TMEM254: variants seen among roughly 807,000 people sequenced by gnomAD.
TMEM254 encodes the protein transmembrane protein C10orf57.
TMEM254 carries 16 observed loss-of-function variants against 13.9 expected under a neutral mutation model. That is an observed-to-expected ratio of 1.15 (90% CI 0.78 to 1.75). TMEM254 has a LOEUF of 1.75. TMEM254 is among the 40% of genes most tolerant of loss of function. The pLI is 0.00. For missense variants in TMEM254, 155 were observed against 149.0 expected (o/e 1.04, Z -0.21); for synonymous variants, 61 against 56.4 (o/e 1.08, Z -0.36).
intron 3 of TMEM254, among the ~76,000 whole-genome samples, chr10:80,089,098 A>C (rs1844454592): frequency 6.6e-6 from 1 of 152,112 alleles, no homozygotes; most frequent in Admixed American, 6.6e-5. Flanking sequence ...ATTAATTGTA[A>C]CAGTTTATAG....
In TMEM254 at chr10:80,082,244, T is replaced by C. The variant is rs1844076017; in HGVS notation, c.251+40T>C. On this transcript the variant is annotated intron_variant, in intron 3 of 3. Coordinates refer to ENST00000372281, the MANE Select transcript of TMEM254 (RefSeq NM_025125.4). ...TAGGTGTTTGTTGCCTTTCTCTTAG[T>C]AGCTAATATAAATTGAGAGCAGCCA... 1.9e-6 allele frequency: 3 copies of C among 1,606,168 alleles called. No individual in the cohort carries two copies. In the African/African-American group the frequency reaches 4.0e-5, roughly 22 times the overall value.
At chr10:80,080,836 T>C (rs1843969604) in intron 1 of TMEM254, among the ~76,000 whole-genome samples, 1 of 152,060 alleles carries the variant, frequency 6.6e-6, no homozygotes, top group Non-Finnish European at 1.5e-5. Context: ...TCCCAGCACT[T>C]TGAGAAGCCG....
chr10:80,081,712 A>G (rs1300112051), intron 1 of TMEM254, 129 bp from the exon 2 acceptor site: 1 of 1,608,538 alleles, frequency 6.2e-7, no homozygotes, highest in East Asian at 2.2e-5. Flanking sequence ...TGGAGACCCA[A>G]ATGACTGTTC....
At chr10:80,079,172 G>A in intron 1 of TMEM254, 13 of 1,309,340 alleles carry the variant, frequency 9.9e-6, no homozygotes, top group Non-Finnish European at 1.3e-5. Flanking sequence ...TCCTGGGGCT[G>A]GGCTACTTCG....
chr10:80,081,977 C>A (rs1479995092), intron 2 of TMEM254, 33 bp downstream of exon 2: 1 of 1,602,478 alleles, frequency 6.2e-7, no homozygotes, highest in Non-Finnish European at 8.5e-7. Flanking sequence ...ACTGTGGACA[C>A]TGGAGCTCTG....
chr10:80,084,125 G>A (rs74331504), intron 3 of TMEM254, among the ~76,000 whole-genome samples: 4,924 of 152,126 alleles, frequency 0.032, 104 homozygotes, highest in South Asian at 0.058. Flanking sequence ...AACAGCTGCT[G>A]CCTTGTGATC....
At position 80,091,082 on chromosome 10, in the gene TMEM254, C is replaced by T; in HGVS notation, c.*165C>T. The T allele has an allele frequency of 1.3e-6, 1 of 795,858 alleles. No individual in the cohort carries two copies. The highest frequency in any genetic ancestry group is 1.9e-6 in the Non-Finnish European group (1 of 521,322). The allele number at this position is 795,858 out of a possible 1,614,324, so 49.3% of individuals were successfully genotyped here. A position where few individuals can be genotyped will look rare whatever the true frequency, so the allele number is the denominator to read the frequency against. On this transcript the variant is annotated 3_prime_UTR_variant, in exon 4 of 4. Coordinates refer to ENST00000372281, the MANE Select transcript of TMEM254 (RefSeq NM_025125.4). ...TAGTCAGTTTTTTCTCTTATATGCT[C>T]TGGTTGAGCTTGAATAGACCAGTTG...
chr10:80,082,739 C>T (rs1844105271), intron 3 of TMEM254, among the ~76,000 whole-genome samples: 1 of 152,178 alleles, frequency 6.6e-6, no homozygotes, highest in Non-Finnish European at 1.5e-5. Flanking sequence ...CCAGACCCCA[C>T]TCAGGAGATG....
rs190769718 is a variant in TMEM254, at chr10:80,090,108, C to T, written c.252-689C>T. 4.8e-3 allele frequency among the ~76,000 whole-genome samples: 728 copies of T among 151,700 alleles called. 9 individuals carry two copies. The highest frequency in any genetic ancestry group is 0.017 in the African/African-American group (689 of 41,396). On this transcript the variant is annotated intron_variant, in intron 3 of 3. Coordinates refer to ENST00000372281, the MANE Select transcript of TMEM254 (RefSeq NM_025125.4). ...TCTGTTACTGTAGAAAATTATATTGCTTTTACATATATTGTTTTTAAAGTT... is the reference window on the plus strand; with the variant it reads ...TCTGTTACTGTAGAAAATTATATTGTTTTTACATATATTGTTTTTAAAGTT...
chr10:80,082,874 A>G (rs1844113626), intron 3 of TMEM254, among the ~76,000 whole-genome samples: 1 of 152,214 alleles, frequency 6.6e-6, no homozygotes, highest in African/African-American at 2.4e-5. Flanking sequence ...GCTTCTTTCC[A>G]ATTAATTTCT....
In TMEM254 at chr10:80,081,888, C is replaced by G. The variant is rs751612833; in HGVS notation, c.135C>G (p.Pro45=). 3.1e-6 allele frequency: 5 copies of G among 1,614,056 alleles called. No individual in the cohort carries two copies. The highest frequency in any genetic ancestry group is 4.2e-6 in the Non-Finnish European group (5 of 1,180,030). The part of the protein sequence containing the change: ...PQSIPYQNLG[P]LGPFTQYLVD... ...GTATCCCTTATCAGAACCTTGGGCC[C>G]CTGGGCCCCTTCACTCAGTACTTGG... The change falls in exon 2 of 4, where the codon CCC becomes CCG. Residue 45 remains proline (P), a synonymous_variant. Coordinates refer to ENST00000372281, the MANE Select transcript of TMEM254 (RefSeq NM_025125.4).
At chr10:80,090,562 A>G (rs1187692111) in intron 3 of TMEM254, 6 of 641,770 alleles carry the variant, frequency 9.3e-6, no homozygotes. Context: ...TGTGCCCTAG[A>G]CAGTAGCCAG....
chr10:80,082,178 G>A lies in TMEM254; in HGVS notation c.225G>A (p.Glu75=). Residue 75 remains glutamate, a synonymous_variant, in exon 3 of 4, where the codon GAG becomes GAA. Coordinates refer to ENST00000372281, the MANE Select transcript of TMEM254 (RefSeq NM_025125.4). ...YWLAWLIHVG[E]SLYAIVLCKH... is the part of the protein sequence containing the mutation. ...TTGCCTGGCTGATTCATGTGGGAGA[G>A]TCCTTGTATGCCATAGTATTGTGCA... The A allele has an allele frequency of 6.2e-7, 1 of 1,614,142 alleles. No individual in the cohort carries two copies. The highest frequency in any genetic ancestry group is 8.5e-7 in the Non-Finnish European group (1 of 1,180,040).
chr10:80,080,040 A>G (rs1331353336), intron 1 of TMEM254, among the ~76,000 whole-genome samples: 2 of 152,174 alleles, frequency 1.3e-5, no homozygotes, highest in Non-Finnish European at 2.9e-5. Context: ...AAATCTGACA[A>G]CCTATGTCCT....
intron 3 of TMEM254, among the ~76,000 whole-genome samples, chr10:80,089,550 CTG>C (rs1025460683): frequency 1.1e-4 from 16 of 152,202 alleles, no homozygotes; most frequent in South Asian, 8.3e-4. Context: ...TGGTGCGTGC[CTG>C]TGATGATCCC....
rs1244114651 is a variant in TMEM254, at chr10:80,091,018, C to G, written c.*101C>G. ...ATTTACTCAGTGATCTTTCTACTTT[C>G]TAGAAACTGTCCTTCAAAGCTCTTT... On this transcript the variant is annotated 3_prime_UTR_variant, in exon 4 of 4. Coordinates refer to ENST00000372281, the MANE Select transcript of TMEM254 (RefSeq NM_025125.4). 7 of 1,462,600 alleles carry G rather than the reference C, an allele frequency of 4.8e-6. No individual in the cohort carries two copies. The African/African-American group carries it at 5.7e-5, about 12-fold the overall frequency. 90.6% of individuals were successfully genotyped at this position (1,462,600 alleles called of 1,614,324 possible).
chr10:80,081,577 A>G (rs1844024383), intron 1 of TMEM254: 6 of 1,022,382 alleles, frequency 5.9e-6, no homozygotes, highest in Non-Finnish European at 7.2e-6. Context: ...CTGAGGTGGG[A>G]GGATGGATTG....
At position 80,078,696 on chromosome 10, in the gene TMEM254, A is replaced by C. The variant is rs1315755963; in HGVS notation, c.-4A>C. The C allele has an allele frequency of 6.3e-7, 1 of 1,597,840 alleles. No homozygotes were observed. Among genetic ancestry groups the C allele is most frequent in the Non-Finnish European group, 8.5e-7 (1 of 1,174,218 alleles). ...AAGCGCGCTCCCGGGGAGGTGTTGC[A>C]GCCATGGCTACGGCAGCCGGCGCGA... On this transcript the variant is annotated 5_prime_UTR_variant, in exon 1 of 4. Coordinates refer to ENST00000372281, the MANE Select transcript of TMEM254 (RefSeq NM_025125.4).
At chr10:80,081,818 C>T in intron 1 of TMEM254, 23 bp from the exon 2 acceptor site, 1 of 1,613,914 alleles carries the variant, frequency 6.2e-7, no homozygotes, top group Non-Finnish European at 8.5e-7. Context: ...AATAGGTATT[C>T]TGTGTCTCTG....
Sources: allele counts gnomAD v4.1 joint callset (sites outside exome capture counted in the v4.1 genomes callset), GRCh38; gene constraint gnomAD v4.1.1; transcripts MANE v1.5; gene names NCBI Gene and HGNC (gene_info 2026-07-23, HGNC 2026-07-21).